DMXL2: variants seen among roughly 807,000 people sequenced by gnomAD.
The protein encoded by DMXL2 is dmX-like protein 2.
Under a neutral mutation model 331.1 loss-of-function variants are expected in DMXL2, and 103 were observed. The ratio of observed to expected loss-of-function variants is 0.31; its 90% CI spans 0.27 to 0.37. DMXL2 has a LOEUF of 0.37. Ranked by LOEUF, DMXL2 falls within the 10% of genes least tolerant of loss-of-function variation. DMXL2 has a pLI of 1.00. For missense variants in DMXL2, 3,171 were observed against 3,642.9 expected (o/e 0.87, Z 3.33); for synonymous variants, 1,281 against 1,252.1 (o/e 1.02, Z -0.49).
chr15:51,575,907 A>G (rs565879127), intron 2 of DMXL2, 149 bp downstream of exon 2: 14 of 740,580 alleles, frequency 1.9e-5, no homozygotes, highest in South Asian at 1.8e-4. Context: ...TACAATTTGT[A>G]TAAACCTATC....
chr15:51,493,646 G>A (rs143603048), intron 19 of DMXL2, among the ~76,000 whole-genome samples: 5 of 152,104 alleles, frequency 3.3e-5, no homozygotes, highest in African/African-American at 7.2e-5. Context: ...ACTTCTCATC[G>A]CCAATGTTTT....
chr15:51,484,357 A>T (rs2042238161), intron 23 of DMXL2, among the ~76,000 whole-genome samples: 1 of 152,236 alleles, frequency 6.6e-6, no homozygotes, highest in East Asian at 1.9e-4. Flanking sequence ...TATGCACCCC[A>T]ACCTGAAAAA....
rs141455534 is a variant in DMXL2, at chr15:51,470,646, G to A, written c.7392+577C>T. On this transcript the variant is annotated intron_variant, in intron 29 of 43. Transcript: ENST00000560891. ...CAACAGAGTTAACACATGTAAAGAG[G>A]GAAACATACCAACAGAAGGAGAATC... Among the ~76,000 whole-genome samples, 30 of 152,148 alleles carry A rather than the reference G, an allele frequency of 2.0e-4. 1 individual carries two copies. The East Asian group carries it at 5.6e-3, about 28-fold the overall frequency.
In DMXL2 at chr15:51,596,656, G is replaced by T. The variant is rs2052831954; in HGVS notation, c.88-20475C>A. Among the ~76,000 whole-genome samples the T allele has an allele frequency of 3.3e-5, 5 of 152,144 alleles. No individual in the cohort carries two copies. In the South Asian group the frequency reaches 1.0e-3, roughly 32 times the overall value. On this transcript the variant is annotated intron_variant, in intron 1 of 43. Coordinates refer to ENST00000560891, the MANE Select transcript of DMXL2 (RefSeq NM_001378457.1). ...CTGCGGCACTGTTCACAATAGCAAA[G>T]ACTTGGAACCAACCCAAATGTCCAA...
At position 51,475,935 on chromosome 15, in the gene DMXL2, A is replaced by G. The variant is rs183581649; in HGVS notation, c.6964+654T>C. The stretch of plus-strand genomic sequence containing the variant: ...AATGAATGACAAAGCAAGCATGGTA[A>G]AATGTTAACATTTGGGGAATCTGGG... On this transcript the variant is annotated intron_variant, in intron 27 of 43. Coordinates refer to ENST00000560891, the MANE Select transcript of DMXL2 (RefSeq NM_001378457.1). Among the ~76,000 whole-genome samples, 9 of 152,364 alleles carry G rather than the reference A, an allele frequency of 5.9e-5. No homozygotes were observed. In the East Asian group the frequency reaches 1.2e-3, roughly 20 times the overall value.
At chr15:51,576,790 A>C (rs964731759) in intron 1 of DMXL2, among the ~76,000 whole-genome samples, 2 of 152,200 alleles carry the variant, frequency 1.3e-5, no homozygotes, top group African/African-American at 4.8e-5. Context: ...ATCAGGCCTG[A>C]GGGAGAAAGG....
At chr15:51,566,386 C>A (rs921746541) in intron 3 of DMXL2, among the ~76,000 whole-genome samples, 3 of 152,068 alleles carry the variant, frequency 2.0e-5, no homozygotes, top group Non-Finnish European at 4.4e-5. Context: ...ACAATCACAA[C>A]AGCATAACAC....
rs759999608 is a variant in DMXL2, at chr15:51,481,321, G to C, written c.5785C>G (p.His1929Asp). ...TGTGAAGGTACATCATCCATCCTGTGAGAAATGAAGTCAGGCTGATCTTTT... is the reference window on the plus strand; with the variant it reads ...TGTGAAGGTACATCATCCATCCTGTCAGAAATGAAGTCAGGCTGATCTTTT... ...AKKDQPDFIS[H>D]RMDDVPSHSK... Residue 1929 changes from histidine (H) to aspartate (D), a missense_variant, in exon 24 of 44, where the codon CAC (histidine) becomes GAC (aspartate). His to Asp is a moderately conservative substitution (Grantham distance 81). Around this residue, in one of 7 missense-constraint regions of DMXL2, gnomAD observed 244 missense variants for 251.4 expected, o/e 0.97. Coordinates refer to ENST00000560891, the MANE Select transcript of DMXL2 (RefSeq NM_001378457.1). 6.2e-7 allele frequency: 1 copy of C among 1,614,112 alleles called. No homozygotes were observed. Among genetic ancestry groups the C allele is most frequent in the Non-Finnish European group, 8.5e-7 (1 of 1,179,980 alleles).
chr15:51,564,873 T>C (rs1326737041), intron 4 of DMXL2, among the ~76,000 whole-genome samples: 1 of 151,962 alleles, frequency 6.6e-6, no homozygotes, highest in South Asian at 2.1e-4. Context: ...AACTGCTTCT[T>C]GAAATAAAAC....
Position 51,453,749 on chromosome 15 carries a change from A to G in DMXL2, c.8605-108T>C, listed in dbSNP as rs192441641. ...CATACTATATGCATGAGCTAAAAAT[A>G]GTTTTTAAAAACTCGGTCTAGGATA... On this transcript the variant is annotated intron_variant, in intron 40 of 43. Coordinates refer to ENST00000560891, the MANE Select transcript of DMXL2 (RefSeq NM_001378457.1). 154 of 860,202 alleles carry G rather than the reference A, an allele frequency of 1.8e-4. No homozygotes were observed. The African/African-American group carries it at 2.5e-3, about 14-fold the overall frequency. 53.3% of individuals were successfully genotyped at this position (860,202 alleles called of 1,614,324 possible). A position where few individuals can be genotyped will look rare whatever the true frequency, so the allele number is the denominator to read the frequency against.
At chr15:51,560,484 T>C (rs1279010889) in intron 6 of DMXL2, among the ~76,000 whole-genome samples, 24 of 66,476 alleles carry the variant, frequency 3.6e-4, no homozygotes, top group African/African-American at 1.1e-3. Flanking sequence ...CTGGGCAACA[T>C]AATGAAACCT....
chr15:51,521,984 A>G (rs2047407179), intron 13 of DMXL2, among the ~76,000 whole-genome samples: 1 of 152,158 alleles, frequency 6.6e-6, no homozygotes, highest in Admixed American at 6.5e-5. Flanking sequence ...ATACCACCCT[A>G]TCTTTCATCA....
intron 19 of DMXL2, among the ~76,000 whole-genome samples, chr15:51,494,297 G>C (rs1231673093): frequency 6.6e-6 from 1 of 152,144 alleles, no homozygotes; most frequent in African/African-American, 2.4e-5. Flanking sequence ...CCATGGGTAA[G>C]AATAACAGTG....
chr15:51,451,997 C>G (rs1345198100), intron 41 of DMXL2, among the ~76,000 whole-genome samples: 1 of 152,068 alleles, frequency 6.6e-6, no homozygotes, highest in Non-Finnish European at 1.5e-5. Context: ...CAGGTGGTAG[C>G]CACTGCAGGG....
At chr15:51,492,897 T>G (rs2042910066) in intron 19 of DMXL2, among the ~76,000 whole-genome samples, 1 of 152,212 alleles carries the variant, frequency 6.6e-6, no homozygotes, top group Non-Finnish European at 1.5e-5. Context: ...CTATATAGAT[T>G]TTGTACATAG....
chr15:51,609,269 T>C (rs1316296893), intron 1 of DMXL2, among the ~76,000 whole-genome samples: 12 of 152,236 alleles, frequency 7.9e-5, no homozygotes, highest in Non-Finnish European at 4.4e-5. Flanking sequence ...CATAGTAAGA[T>C]TGTGAATTTA....
At chr15:51,463,340 A>G (rs2040291582) in intron 33 of DMXL2, 39 bp downstream of exon 33, 4 of 1,265,876 alleles carry the variant, frequency 3.2e-6, no homozygotes, top group Non-Finnish European at 3.4e-6. Context: ...AAAGAAAACT[A>G]AAGAAAAATT....
intron 16 of DMXL2, among the ~76,000 whole-genome samples, chr15:51,504,100 G>C (rs2140523565): frequency 6.6e-6 from 1 of 152,014 alleles, no homozygotes; most frequent in South Asian, 2.1e-4. Flanking sequence ...AAATTCCCAG[G>C]CCTAACCACA....
At chr15:51,569,011 G>A (rs2050478776) in intron 2 of DMXL2, among the ~76,000 whole-genome samples, 1 of 152,174 alleles carries the variant, frequency 6.6e-6, no homozygotes, top group Admixed American at 6.5e-5. Context: ...AGGGGTCAGG[G>A]AATTTCCCTT....
Sources: allele counts gnomAD v4.1 joint callset (sites outside exome capture counted in the v4.1 genomes callset), GRCh38; gene constraint gnomAD v4.1.1; regional missense constraint gnomAD v4.1.1; transcripts MANE v1.5; gene names NCBI Gene and HGNC (gene_info 2026-07-23, HGNC 2026-07-21).